SEC14L1: variants seen among roughly 807,000 people sequenced by gnomAD.
The protein encoded by SEC14L1 is SEC14 like lipid binding 1, also known as SEC14-like protein 1.
In SEC14L1, 48 loss-of-function variants were observed where a neutral mutation model predicts 85.3. The ratio of observed to expected loss-of-function variants is 0.56; its 90% CI spans 0.45 to 0.72. SEC14L1 has a LOEUF of 0.72. Among genes scored for constraint, SEC14L1 ranks in the 30% least tolerant of loss-of-function variants. The pLI is 0.00. For synonymous variants in SEC14L1, 391 were observed against 355.5 expected, an observed-to-expected ratio of 1.10 and a Z score of -1.12; for missense variants, 682 against 921.4, an observed-to-expected ratio of 0.74 and a Z score of 3.36.
intron 3 of SEC14L1, among the ~76,000 whole-genome samples, chr17:77,163,243 C>T (rs1430413880): frequency 1.3e-5 from 2 of 152,134 alleles, no homozygotes; most frequent in African/African-American, 2.4e-5. Flanking sequence ...AAACTGGAGT[C>T]GAGGGACCAG....
intron 3 of SEC14L1, among the ~76,000 whole-genome samples, chr17:77,109,876 G>A (rs972419862): frequency 2.6e-5 from 4 of 152,124 alleles, no homozygotes; most frequent in African/African-American, 9.7e-5. Context: ...AACTAAATGC[G>A]TAAAATGCTG....
At chr17:77,154,629 T>G (rs574048115) in intron 3 of SEC14L1, among the ~76,000 whole-genome samples, 9 of 84,878 alleles carry the variant, frequency 1.1e-4, no homozygotes, top group East Asian at 2.3e-4. Flanking sequence ...CCCCTTCTGG[T>G]TTTTTTTGTT....
chr17:77,208,508 AC>A (rs764249570), intron 13 of SEC14L1, among the ~76,000 whole-genome samples: 24 of 152,162 alleles, frequency 1.6e-4, no homozygotes, highest in Non-Finnish European at 1.8e-4. Context: ...GGTTAATTGA[AC>A]TGTCCAAAAA....
At chr17:77,139,686 AC>A (rs1972913031), upstream of SEC14L1, among the ~76,000 whole-genome samples, 1 of 150,656 alleles carries the variant, frequency 6.6e-6, no homozygotes, top group African/African-American at 2.5e-5. Flanking sequence ...TTTAGTAGAG[AC>A]AGGGATTTCA....
intron 3 of SEC14L1, among the ~76,000 whole-genome samples, chr17:77,123,625 C>T (rs1028088888): frequency 8.6e-5 from 13 of 151,694 alleles, no homozygotes; most frequent in Non-Finnish European, 1.9e-4. Context: ...CCATGTTGCC[C>T]AGGTCTCGAA....
At chr17:77,205,111 T>C in intron 10 of SEC14L1, 165 bp from the exon 11 acceptor site, 1 of 599,532 alleles carries the variant, frequency 1.7e-6, no homozygotes, top group Non-Finnish European at 3.0e-6. Context: ...TTGTTGGTGG[T>C]GATGTGTTTA....
At chr17:77,091,595 T>C (rs981167881) in intron 2 of SEC14L1, among the ~76,000 whole-genome samples, 14 of 152,154 alleles carry the variant, frequency 9.2e-5, no homozygotes, top group Non-Finnish European at 2.1e-4. Flanking sequence ...ATTTTTTATT[T>C]TAACTGTAAA....
At chr17:77,108,787 CAAAA>C (rs60644460) in intron 3 of SEC14L1, among the ~76,000 whole-genome samples, 29 of 113,096 alleles carry the variant, frequency 2.6e-4, no homozygotes, top group Admixed American at 3.9e-4. Flanking sequence ...TCTCTGTCTC[CAAAA>C]AAAAAAAAAA....
chr17:77,133,556 T>C (rs1443271420), intron 3 of SEC14L1, among the ~76,000 whole-genome samples: 1 of 152,186 alleles, frequency 6.6e-6, no homozygotes, highest in East Asian at 1.9e-4. Context: ...CAAGGGCACC[T>C]GGTATGTGTA....
intron 9 of SEC14L1, among the ~76,000 whole-genome samples, chr17:77,201,256 ACT>A (rs1261589062): frequency 6.6e-6 from 1 of 151,876 alleles, no homozygotes; most frequent in Non-Finnish European, 1.5e-5. Context: ...TCAAAAATAC[ACT>A]CTTTCCTGAG....
rs1567938600 is a variant in SEC14L1 at position 77,212,158 on chromosome 17, T to C, written c.1820T>C (p.Met607Thr). 6.2e-7 allele frequency: 1 copy of C among 1,614,080 alleles called. No individual in the cohort carries two copies. The highest frequency in any genetic ancestry group is 2.2e-5 in the East Asian group (1 of 44,892). The change falls in exon 15 of 17, where the codon ATG becomes ACG. Residue 607 changes from methionine (M) to threonine (T), a missense_variant. Physicochemically the swap from Met to Thr is moderately conservative, Grantham distance 81. Coordinates refer to ENST00000436233, the MANE Select transcript of SEC14L1 (RefSeq NM_001143998.2). ...TGGCAGCTGGGCCGCGACTACAGCATGGTGGAGTCGCCTCTGATCTGCAAA... is the reference window on the plus strand; with the variant it reads ...TGGCAGCTGGGCCGCGACTACAGCACGGTGGAGTCGCCTCTGATCTGCAAA... ...KVWQLGRDYS[M>T]VESPLICKEG...
At chr17:77,157,897 A>G (rs1375370567) in intron 3 of SEC14L1, among the ~76,000 whole-genome samples, 2 of 151,904 alleles carry the variant, frequency 1.3e-5, no homozygotes, top group Non-Finnish European at 2.9e-5. Context: ...CTCTTATTAC[A>G]TCATGTTTTC....
intron 3 of SEC14L1, among the ~76,000 whole-genome samples, chr17:77,131,805 G>A (rs912888171): frequency 2.0e-5 from 3 of 152,226 alleles, no homozygotes; most frequent in Admixed American, 2.0e-4. Context: ...AAGGGAGTGA[G>A]TCTGTATTTT....
intron 3 of SEC14L1, among the ~76,000 whole-genome samples, chr17:77,162,505 A>C (rs780122847): frequency 2.2e-4 from 33 of 151,994 alleles, no homozygotes; most frequent in Non-Finnish European, 4.4e-4. Context: ...GTATATTTTG[A>C]CTGCATTATT....
Position 77,143,645 on chromosome 17 carries a change from G to A in SEC14L1, c.49G>A (p.Glu17Lys). 1 of 1,611,308 alleles carries A rather than the reference G, an allele frequency of 6.2e-7. No homozygotes were observed. Among genetic ancestry groups the A allele is most frequent in the Non-Finnish European group, 8.5e-7 (1 of 1,177,746 alleles). The change falls in exon 3 of 17, where the codon GAA becomes AAA. Residue 17 changes from glutamate (E) to lysine (K), a missense_variant. This residue lies in a region of SEC14L1 where 139 missense variants were observed against 201.3 expected (regional missense o/e 0.69). Transcript: ENST00000436233. ...AGTGAGGGTGTACAAATACCCCTTT[G>A]AATTAATTATGGCTGTAAGTACTTG... is the stretch of plus-strand genomic sequence containing the variant. ...SPVRVYKYPF[E>K]LIMAAYERRF...
intron 2 of SEC14L1, among the ~76,000 whole-genome samples, chr17:77,090,455 G>C (rs140312678): frequency 0.027 from 3,983 of 146,488 alleles, 99 homozygotes; most frequent in South Asian, 0.098. Flanking sequence ...AGGAGTTCGC[G>C]ACCAGCCTGG....
chr17:77,141,040 C>T lies in SEC14L1; in HGVS notation c.-203C>T, dbSNP rs978223787. 1.3e-5 allele frequency: 2 copies of T among 151,988 alleles called. No individual in the cohort carries two copies. Among genetic ancestry groups the T allele is most frequent in the Non-Finnish European group, 2.9e-5 (2 of 67,970 alleles). The allele number at this position is 151,988 out of a possible 1,614,324, so 9.4% of individuals were successfully genotyped here. ...CGCGGAGCAGTGGAACCGAGACTGC[C>T]CCGCGGAGCCGCCGGTATGAGCGCC... On this transcript the variant is annotated 5_prime_UTR_variant, in exon 1 of 17. Transcript: ENST00000436233.
rs1973955811 is a variant in SEC14L1 at position 77,159,318 on chromosome 17, G to T, written c.63+15659G>T. Among the ~76,000 whole-genome samples, 6 of 151,336 alleles carry T rather than the reference G, an allele frequency of 4.0e-5. No individual in the cohort carries two copies. In the South Asian group the frequency reaches 1.3e-3, roughly 32 times the overall value. On this transcript the variant is annotated intron_variant, in intron 3 of 16. Transcript: ENST00000436233. ...CTGACCTCAGGCGATGGGCCTGTCT[G>T]GGCCTCCCAAAGTGCTGGGGTTACA...
chr17:77,121,342 T>G (rs943198677), intron 3 of SEC14L1, among the ~76,000 whole-genome samples: 1 of 152,144 alleles, frequency 6.6e-6, no homozygotes, highest in Non-Finnish European at 1.5e-5. Context: ...GGCCACTATT[T>G]ATTGAGGCCA....
Sources: allele counts gnomAD v4.1 joint callset (sites outside exome capture counted in the v4.1 genomes callset), GRCh38; gene constraint gnomAD v4.1.1; regional missense constraint gnomAD v4.1.1; transcripts MANE v1.5; gene names NCBI Gene and HGNC (gene_info 2026-07-23, HGNC 2026-07-21).